Variants in CTCF observed in about 807,000 individuals in gnomAD.
CTCF encodes CCCTC-binding factor.
CTCF carries 7 observed loss-of-function variants against 72.3 expected under a neutral mutation model. The observed-to-expected ratio is 0.10, with a 90% CI of 0.06 to 0.18. The LOEUF (loss-of-function observed/expected upper bound fraction) is 0.18, where lower values mean the gene tolerates loss of function less well. CTCF is among the 10% of genes least tolerant of loss of function. The pLI, the probability that CTCF is intolerant of heterozygous loss-of-function variation, is 1.00. For synonymous variants in CTCF, 374 were observed against 315.8 expected, an observed-to-expected ratio of 1.18 and a Z score of -1.95; for missense variants, 516 against 949.1, an observed-to-expected ratio of 0.54 and a Z score of 6.00.
chr16:67,599,257 T>G (rs2051855452), intron 2 of CTCF, among the ~76,000 whole-genome samples: 1 of 152,148 alleles, frequency 6.6e-6, no homozygotes, highest in African/African-American at 2.4e-5. Flanking sequence ...TAGTTGGGCC[T>G]GGTGGCACGC....
intron 2 of CTCF, among the ~76,000 whole-genome samples, chr16:67,579,544 A>G (rs549633375): frequency 6.6e-6 from 1 of 151,726 alleles, no homozygotes; most frequent in African/African-American, 2.4e-5. Context: ...TTTTTAGTAG[A>G]TACAGGGTTT....
chr16:67,601,239 T>G (rs2142790448), intron 2 of CTCF, among the ~76,000 whole-genome samples: 1 of 148,138 alleles, frequency 6.8e-6, no homozygotes, highest in East Asian at 2.0e-4. Context: ...TGTGTGTGTG[T>G]GTGTGTGTGT....
At chr16:67,578,417 C>G (rs1473818862) in intron 2 of CTCF, among the ~76,000 whole-genome samples, 1 of 144,358 alleles carries the variant, frequency 6.9e-6, no homozygotes, top group Non-Finnish European at 1.5e-5. Context: ...ACTGCAACCT[C>G]TACCTCCTGA....
intron 10 of CTCF, among the ~76,000 whole-genome samples, chr16:67,631,562 A>G (rs1458303315): frequency 1.3e-5 from 2 of 151,200 alleles, no homozygotes; most frequent in East Asian, 3.9e-4. Flanking sequence ...CGACCTCCCA[A>G]TGTGCTGGGA....
At chr16:67,606,570 TC>T (rs2051976025) in intron 2 of CTCF, among the ~76,000 whole-genome samples, 1 of 152,116 alleles carries the variant, frequency 6.6e-6, no homozygotes, top group Non-Finnish European at 1.5e-5. Context: ...CTGTAGTAGT[TC>T]TTGTGCTGCC....
intron 4 of CTCF, chr16:67,616,093 T>C (rs1429215203): frequency 6.6e-6 from 1 of 152,356 alleles, no homozygotes; most frequent in Non-Finnish European, 1.5e-5. Context: ...TCATGTTTTA[T>C]ATTGGATGAA....
At chr16:67,582,506 G>A (rs968519645) in intron 2 of CTCF, among the ~76,000 whole-genome samples, 1 of 151,926 alleles carries the variant, frequency 6.6e-6, no homozygotes, top group Non-Finnish European at 1.5e-5. Context: ...CAGCTTGGGC[G>A]ACATGATGAA....
At chr16:67,589,857 T>A (rs2051715941) in intron 2 of CTCF, among the ~76,000 whole-genome samples, 1 of 152,116 alleles carries the variant, frequency 6.6e-6, no homozygotes, top group Non-Finnish European at 1.5e-5. Context: ...GAGACCAAGA[T>A]GGCTGGATCA....
At chr16:67,580,752 C>T (rs2051567823) in intron 2 of CTCF, among the ~76,000 whole-genome samples, 2 of 146,970 alleles carry the variant, frequency 1.4e-5, no homozygotes, top group South Asian at 2.1e-4. Context: ...GTAGAGGCAC[C>T]TGCCCCAACG....
At chr16:67,626,450 CT>C (rs2052288465) in intron 7 of CTCF, 104 bp from the exon 8 acceptor site, 1 of 695,406 alleles carries the variant, frequency 1.4e-6, no homozygotes. Flanking sequence ...AAGACTCCGT[CT>C]CAAAAAAAAA....
chr16:67,573,048 C>T (rs533157300), intron 2 of CTCF, among the ~76,000 whole-genome samples: 20 of 145,614 alleles, frequency 1.4e-4, no homozygotes, highest in East Asian at 4.1e-4. Flanking sequence ...GTCAGGAGTT[C>T]GGGACCAGCC....
At chr16:67,631,172 G>GTTTTTTTTTTTTTTTTTTTTTT (rs367618037) in intron 10 of CTCF, among the ~76,000 whole-genome samples, 1 of 121,436 alleles carries the variant, frequency 8.2e-6, no homozygotes, top group Non-Finnish European at 1.7e-5. Context: ...TTTGTTTTTT[G>GTTTTTTTTTTTTTTTTTTTTTT]TTTTTTTTTT....
chr16:67,621,945 T>C (rs2052205098), intron 7 of CTCF, among the ~76,000 whole-genome samples: 1 of 152,090 alleles, frequency 6.6e-6, no homozygotes, highest in African/African-American at 2.4e-5. Flanking sequence ...TTCTATTGTA[T>C]TTTTTTGAGA....
intron 2 of CTCF, among the ~76,000 whole-genome samples, chr16:67,591,064 G>A (rs1380366236): frequency 6.6e-6 from 1 of 151,856 alleles, no homozygotes; most frequent in East Asian, 1.9e-4. Flanking sequence ...AGGCCGAGGC[G>A]GGCAGATCAC....
intron 2 of CTCF, among the ~76,000 whole-genome samples, chr16:67,595,460 A>G (rs571649664): frequency 6.6e-6 from 1 of 152,300 alleles, no homozygotes; most frequent in Non-Finnish European, 1.5e-5. Flanking sequence ...AAAATTTATC[A>G]AAGGTTTAGA....
rs575235597 is a variant in CTCF at position 67,638,069 on chromosome 16, C to G, written c.*197C>G. On this transcript the variant is annotated 3_prime_UTR_variant, in exon 12 of 12. Coordinates refer to ENST00000264010, the MANE Select transcript of CTCF (RefSeq NM_006565.4). Reference sequence around the variant, plus strand: ...AACTTGCTGTCTGATGTTAGCAAATCATGGAATGTTCTGAGTCCCTGAGGG... The same window carrying G: ...AACTTGCTGTCTGATGTTAGCAAATGATGGAATGTTCTGAGTCCCTGAGGG... 3.4e-4 allele frequency: 192 copies of G among 566,818 alleles called. No individual in the cohort carries two copies. The highest frequency in any genetic ancestry group is 4.4e-4 in the Non-Finnish European group (143 of 322,718). The allele number at this position is 566,818 out of a possible 1,614,324, so 35.1% of individuals were successfully genotyped here.
intron 2 of CTCF, among the ~76,000 whole-genome samples, chr16:67,595,542 G>A (rs1177159356): frequency 6.6e-6 from 1 of 151,856 alleles, no homozygotes; most frequent in Non-Finnish European, 1.5e-5. Context: ...AGTTAACCAT[G>A]TTGAATGTCT....
At chr16:67,574,507 A>G (rs935802471) in intron 2 of CTCF, among the ~76,000 whole-genome samples, 2 of 151,502 alleles carry the variant, frequency 1.3e-5, no homozygotes, top group Non-Finnish European at 2.9e-5. Flanking sequence ...ACGCCTGGCT[A>G]ATTTTGGTAT....
intron 1 of CTCF, among the ~76,000 whole-genome samples, chr16:67,569,843 G>A (rs1170815591): frequency 2.7e-5 from 4 of 150,058 alleles, no homozygotes; most frequent in Non-Finnish European, 4.4e-5. Flanking sequence ...GTGCCACCAC[G>A]CCTGGCTAAT....
Sources: gnomAD v4.1 joint callset for allele counts (sites outside exome capture counted in the v4.1 genomes callset) on GRCh38, gnomAD v4.1.1 for gene constraint, MANE v1.5 for transcripts, NCBI Gene and HGNC (gene_info 2026-07-23, HGNC 2026-07-21) for gene names.